WDR82: variants seen among roughly 807,000 people sequenced by gnomAD.
WDR82 encodes WD repeat domain 82.
Under a neutral mutation model 36.1 loss-of-function variants are expected in WDR82, and 8 were observed. That is an observed-to-expected ratio of 0.22 (90% CI 0.13 to 0.40). The LOEUF (loss-of-function observed/expected upper bound fraction) is 0.40, where lower values mean the gene tolerates loss of function less well. WDR82 is among the 10% of genes least tolerant of loss of function. The pLI is 1.00. For synonymous variants in WDR82, 129 were observed against 137.8 expected, an observed-to-expected ratio of 0.94 and a Z score of 0.45; for missense variants, 185 against 400.5, an observed-to-expected ratio of 0.46 and a Z score of 4.59.
chr3:52,258,789 C>T (rs1158034495), intron 7 of WDR82, 111 bp from the exon 8 acceptor site: 48 of 1,481,306 alleles, frequency 3.2e-5, no homozygotes, highest in African/African-American at 4.2e-5. Context: ...GGACCCATCC[C>T]TCAGGCAAAA....
In WDR82 at chr3:52,260,421, T is replaced by C. The variant is rs200012348; in HGVS notation, c.507A>G (p.Glu169=). Residue 169 remains glutamate (E), a synonymous_variant, in exon 5 of 9, where the codon GAA becomes GAG. Coordinates refer to ENST00000296490, the MANE Select transcript of WDR82 (RefSeq NM_025222.4). The part of the protein sequence containing the change: ...GLIFAAGVNS[E]MVKLYDLRSF... ...AACGAAGGTCATAAAGCTTGACCAT[T>C]TCAGAGTTGACACCTGCAGCGAAAA... 36 of 1,590,940 alleles carry C rather than the reference T, an allele frequency of 2.3e-5. No individual in the cohort carries two copies. Among genetic ancestry groups the C allele is most frequent in the Non-Finnish European group, 3.0e-5 (35 of 1,172,674 alleles).
At chr3:52,276,611 G>C (rs968759483) in intron 1 of WDR82, among the ~76,000 whole-genome samples, 1 of 152,080 alleles carries the variant, frequency 6.6e-6, no homozygotes, top group Non-Finnish European at 1.5e-5. Context: ...GTTCTAATCT[G>C]TGCATAAGCA....
intron 2 of WDR82, among the ~76,000 whole-genome samples, chr3:52,269,164 C>T (rs1420965752): frequency 5.9e-5 from 9 of 152,084 alleles, no homozygotes; most frequent in Non-Finnish European, 1.2e-4. Flanking sequence ...ATCAATAATC[C>T]ACTGAAATAA....
In WDR82 at chr3:52,261,047, C is replaced by A. The variant is rs1361078100; in HGVS notation, c.426+333G>T. ...GGCTGAGGCAGAAGAATCGCTTGAA[C>A]CCTGGAGGTGGAGGTTGCGGTGAGC... On this transcript the variant is annotated intron_variant, in intron 4 of 8. Coordinates refer to ENST00000296490, the MANE Select transcript of WDR82 (RefSeq NM_025222.4). Among the ~76,000 whole-genome samples the A allele has an allele frequency of 2.0e-5, 3 of 152,172 alleles. No individual in the cohort carries two copies. In the East Asian group the frequency reaches 5.8e-4, roughly 29 times the overall value.
Position 52,257,208 on chromosome 3 carries a change from C to T in WDR82, c.*282G>A, listed in dbSNP as rs146545345. 2.1e-4 allele frequency: 108 copies of T among 506,656 alleles called. No homozygotes were observed. The Middle Eastern group carries it at 3.2e-3, about 15-fold the overall frequency. 31.4% of individuals were successfully genotyped at this position (506,656 alleles called of 1,614,324 possible). On this transcript the variant is annotated 3_prime_UTR_variant, in exon 9 of 9. Coordinates refer to ENST00000296490, the MANE Select transcript of WDR82 (RefSeq NM_025222.4). ...GAAGATGCTTGAGAGCCCCACTATA[C>T]CAAATCGTGAGTCTGGTCACTCCTC...
In WDR82 at chr3:52,259,801, A is replaced by G. The variant is rs768826708; in HGVS notation, c.615T>C (p.Asp205=). The G allele has an allele frequency of 3.7e-6, 6 of 1,614,176 alleles. No homozygotes were observed. Among genetic ancestry groups the G allele is most frequent in the Non-Finnish European group, 4.2e-6 (5 of 1,180,008 alleles). ...CEWTGLKFSN[D]GKLILISTNG... is the part of the protein sequence containing the mutation. ...TGGTGGAAATGAGGATGAGCTTGCCATCATTGCTGAATTTAAGTCCTGTCC... is the reference window on the plus strand; with the variant it reads ...TGGTGGAAATGAGGATGAGCTTGCCGTCATTGCTGAATTTAAGTCCTGTCC... Residue 205 remains aspartate, a synonymous_variant, in exon 6 of 9, where the codon GAT becomes GAC. Transcript: ENST00000296490.
intron 4 of WDR82, 95 bp from the exon 5 acceptor site, chr3:52,260,596 T>G: frequency 1.3e-6 from 1 of 760,316 alleles, no homozygotes; most frequent in Non-Finnish European, 2.0e-6. Context: ...GAAAAAAAAA[T>G]GAATCCAGGA....
chr3:52,277,534 G>T (rs1700216321), intron 1 of WDR82, among the ~76,000 whole-genome samples: 1 of 152,202 alleles, frequency 6.6e-6, no homozygotes, highest in African/African-American at 2.4e-5. Context: ...GTGGCAAAAA[G>T]GAAGTTTTAG....
intron 1 of WDR82, among the ~76,000 whole-genome samples, chr3:52,271,401 CTA>C (rs1384057781): frequency 6.6e-6 from 1 of 151,964 alleles, no homozygotes; most frequent in Non-Finnish European, 1.5e-5. Context: ...TAAGTACACT[CTA>C]TGATGCTGCT....
intron 2 of WDR82, 29 bp downstream of exon 2, chr3:52,270,683 A>T: frequency 6.4e-7 from 1 of 1,553,970 alleles, no homozygotes; most frequent in Non-Finnish European, 8.8e-7. Flanking sequence ...GGAAACCATG[A>T]CCTTAACTTC....
chr3:52,257,883 T>C (rs1294200636), intron 8 of WDR82, among the ~76,000 whole-genome samples: 2 of 151,880 alleles, frequency 1.3e-5, no homozygotes, highest in African/African-American at 2.4e-5. Flanking sequence ...TCCTGGGCTG[T>C]AAAAAGTAAG....
At chr3:52,263,376 T>G (rs2107333893) in intron 3 of WDR82, among the ~76,000 whole-genome samples, 1 of 152,330 alleles carries the variant, frequency 6.6e-6, no homozygotes, top group South Asian at 2.1e-4. Context: ...AGAGTTCACC[T>G]TAATGGGAAT....
At chr3:52,265,700 G>A (rs1040200049) in intron 3 of WDR82, among the ~76,000 whole-genome samples, 1 of 151,350 alleles carries the variant, frequency 6.6e-6, no homozygotes, top group Non-Finnish European at 1.5e-5. Context: ...CTGAGCCTCC[G>A]AAGTAGTAGG....
intron 3 of WDR82, among the ~76,000 whole-genome samples, chr3:52,266,107 GCATTACAATACAGAAAAAGGAGATAAA>G (rs1484157568): frequency 6.6e-6 from 1 of 152,126 alleles, no homozygotes; most frequent in Non-Finnish European, 1.5e-5. Flanking sequence ...GAAGCAACCT[GCATTACAATACAGAAAAAGGAGATAAA>G]CTTCTTGATT....
chr3:52,261,300 T>G, intron 4 of WDR82, 80 bp downstream of exon 4: 1 of 1,239,260 alleles, frequency 8.1e-7, no homozygotes, highest in Non-Finnish European at 1.1e-6. Flanking sequence ...CACTGTTTTC[T>G]CCCTTCTTTG....
rs545602691 is a variant in WDR82, at chr3:52,264,297, G to A, written c.326+2655C>T. Among the ~76,000 whole-genome samples the A allele has an allele frequency of 9.9e-5, 15 of 152,196 alleles. 1 individual carries two copies. Among genetic ancestry groups the A allele is most frequent in the African/African-American group, 2.6e-4 (11 of 41,510 alleles). On this transcript the variant is annotated intron_variant, in intron 3 of 8. Transcript: ENST00000296490. ...AAATCAGCGATGGAGATAAGAAAGCGGATAAAATATTTGTTTATTTTAGAG... is the reference window on the plus strand; with the variant it reads ...AAATCAGCGATGGAGATAAGAAAGCAGATAAAATATTTGTTTATTTTAGAG...
intron 8 of WDR82, 34 bp downstream of exon 8, chr3:52,258,502 C>T (rs1284263831): frequency 6.2e-7 from 1 of 1,612,160 alleles, no homozygotes; most frequent in South Asian, 1.1e-5. Flanking sequence ...GGGAAGGGTC[C>T]CTGAGTAGCA....
At chr3:52,268,814 A>C (rs1700128396) in intron 2 of WDR82, among the ~76,000 whole-genome samples, 1 of 151,860 alleles carries the variant, frequency 6.6e-6, no homozygotes, top group East Asian at 1.9e-4. Context: ...TCCTTGTGGA[A>C]TGACATTAGA....
At chr3:52,261,744 C>T (rs1700063535) in intron 3 of WDR82, among the ~76,000 whole-genome samples, 1 of 152,120 alleles carries the variant, frequency 6.6e-6, no homozygotes, top group Non-Finnish European at 1.5e-5. Flanking sequence ...ACTCCACACC[C>T]TCTAGCATAG....
Sources: allele counts gnomAD v4.1 joint callset (sites outside exome capture counted in the v4.1 genomes callset), GRCh38; gene constraint gnomAD v4.1.1; transcripts MANE v1.5; gene names NCBI Gene and HGNC (gene_info 2026-07-23, HGNC 2026-07-21).